Variants in NELL1 observed in about 807,000 individuals in gnomAD.
NELL1 encodes the protein neural EGFL like 1.
Under a neutral mutation model 107.4 loss-of-function variants are expected in NELL1, and 76 were observed. The ratio of observed to expected loss-of-function variants is 0.71; its 90% CI spans 0.59 to 0.86. The LOEUF (loss-of-function observed/expected upper bound fraction) is 0.86. Among genes scored for constraint, NELL1 ranks in the 40% least tolerant of loss-of-function variants. The pLI is 0.00. For synonymous variants in NELL1, 353 were observed against 341.2 expected (o/e 1.03, Z -0.38); for missense variants, 1,024 against 1,005.5 (o/e 1.02, Z -0.25).
intron 12 of NELL1, among the ~76,000 whole-genome samples, chr11:21,078,707 T>G (rs1179164339): frequency 6.6e-6 from 1 of 152,116 alleles, no homozygotes; most frequent in Non-Finnish European, 1.5e-5. Flanking sequence ...GTATATATTA[T>G]GTCATACCTG....
chr11:20,783,052 G>A (rs1314681985), intron 2 of NELL1, among the ~76,000 whole-genome samples: 7 of 152,296 alleles, frequency 4.6e-5, no homozygotes, highest in East Asian at 1.9e-4. Context: ...TTCCAGGCAC[G>A]GGTGTGGAGC....
rs148849257 is a variant in NELL1 at position 20,737,881 on chromosome 11, C to T, written c.185-45799C>T. 1.6e-4 allele frequency among the ~76,000 whole-genome samples: 24 copies of T among 151,244 alleles called. No homozygotes were observed. The East Asian group carries it at 4.1e-3, about 26-fold the overall frequency. ...ACTATTACCTAGGCACTGTGCAATG[C>T]TCAGAGTTGGAACGATCAGGAATTA... is the stretch of plus-strand genomic sequence containing the variant. On this transcript the variant is annotated intron_variant, in intron 2 of 19. Coordinates refer to ENST00000357134, the MANE Select transcript of NELL1 (RefSeq NM_006157.5).
chr11:21,074,969 G>A (rs1854100512), intron 12 of NELL1, among the ~76,000 whole-genome samples: 1 of 152,108 alleles, frequency 6.6e-6, no homozygotes, highest in South Asian at 2.1e-4. Flanking sequence ...AATTAATTTT[G>A]CATGGGTAGA....
chr11:21,575,166 G>A lies in NELL1; in HGVS notation c.*144G>A. 1.4e-6 allele frequency: 1 copy of A among 733,814 alleles called. No individual in the cohort carries two copies. The highest frequency in any genetic ancestry group is 2.3e-6 in the Non-Finnish European group (1 of 431,396). The allele number at this position is 733,814 out of a possible 1,614,324, so 45.5% of individuals were successfully genotyped here. ...GCCAAAGTTTCCACCTGAGGACGGT[G>A]TTTGGAGGTTGCCTTTTGGACCTAC... On this transcript the variant is annotated 3_prime_UTR_variant, in exon 20 of 20. Transcript: ENST00000357134.
intron 15 of NELL1, among the ~76,000 whole-genome samples, chr11:21,509,267 C>T (rs889355891): frequency 3.3e-5 from 5 of 152,022 alleles, no homozygotes; most frequent in African/African-American, 1.2e-4. Context: ...TATACTTTTT[C>T]GTTGGGGCAT....
chr11:21,429,269 C>A (rs372901976), intron 15 of NELL1, among the ~76,000 whole-genome samples: 2 of 152,214 alleles, frequency 1.3e-5, no homozygotes, highest in South Asian at 2.1e-4. Context: ...ATCTCTAAGA[C>A]AATTATGTAA....
rs148019308 is a variant in NELL1, at chr11:21,241,069, A to G, written c.1549+11615A>G. Among the ~76,000 whole-genome samples the G allele has an allele frequency of 1.6e-4, 25 of 152,220 alleles. No individual in the cohort carries two copies. The East Asian group carries it at 4.8e-3, about 29-fold the overall frequency. On this transcript the variant is annotated intron_variant, in intron 14 of 19. Coordinates refer to ENST00000357134, the MANE Select transcript of NELL1 (RefSeq NM_006157.5). ...ATAAGATTAGCAAAGCCGTATACATATATCAGTCAGTTTTATTTTAAAACA... is the reference window on the plus strand; with the variant it reads ...ATAAGATTAGCAAAGCCGTATACATGTATCAGTCAGTTTTATTTTAAAACA...
chr11:21,383,271 G>A, intron 15 of NELL1, among the ~76,000 whole-genome samples: 1 of 151,626 alleles, frequency 6.6e-6, no homozygotes, highest in South Asian at 2.1e-4. Flanking sequence ...GCAGTATTCG[G>A]TTTTTTTGGG....
chr11:21,059,580 A>G (rs1186255273), intron 12 of NELL1, among the ~76,000 whole-genome samples: 2 of 152,172 alleles, frequency 1.3e-5, no homozygotes, highest in East Asian at 3.9e-4. Context: ...TATTTTACCA[A>G]TTTGGAGAAA....
intron 13 of NELL1, among the ~76,000 whole-genome samples, chr11:21,173,842 T>C (rs189146652): frequency 1.3e-5 from 2 of 151,756 alleles, no homozygotes; most frequent in Non-Finnish European, 2.9e-5. Flanking sequence ...AGTGTGGAGG[T>C]CTTTGTTTGG....
At chr11:21,509,258 A>G (rs780882689) in intron 15 of NELL1, among the ~76,000 whole-genome samples, 3 of 152,176 alleles carry the variant, frequency 2.0e-5, no homozygotes, top group Non-Finnish European at 4.4e-5. Flanking sequence ...AAAAAAATGT[A>G]TACTTTTTCG....
At chr11:21,163,233 A>T (rs967679206) in intron 13 of NELL1, among the ~76,000 whole-genome samples, 1 of 152,232 alleles carries the variant, frequency 6.6e-6, no homozygotes, top group Non-Finnish European at 1.5e-5. Flanking sequence ...GAAGACAGGC[A>T]GACTCAGGTC....
intron 12 of NELL1, among the ~76,000 whole-genome samples, chr11:21,101,343 G>T (rs564726236): frequency 3.7e-4 from 56 of 152,152 alleles, no homozygotes; most frequent in Admixed American, 7.2e-4. Flanking sequence ...TAATCCTTTG[G>T]GTATATACCC....
intron 15 of NELL1, among the ~76,000 whole-genome samples, chr11:21,458,669 T>G (rs529135218): frequency 1.3e-5 from 2 of 152,188 alleles, no homozygotes; most frequent in African/African-American, 2.4e-5. Flanking sequence ...AATAAAGATT[T>G]AAAGAAAAGA....
chr11:21,399,154 G>A, intron 15 of NELL1, among the ~76,000 whole-genome samples: 1 of 151,764 alleles, frequency 6.6e-6, no homozygotes, highest in East Asian at 2.0e-4. Flanking sequence ...TTACAAGGGT[G>A]GTAATGGAAT....
chr11:20,867,322 G>A (rs548784325), intron 4 of NELL1, among the ~76,000 whole-genome samples: 7 of 152,130 alleles, frequency 4.6e-5, no homozygotes, highest in African/African-American at 1.7e-4. Context: ...TTGACTCTAC[G>A]TCATGGGTTT....
Position 20,753,829 on chromosome 11 carries a change from C to T in NELL1, c.185-29851C>T, listed in dbSNP as rs570860284. Among the ~76,000 whole-genome samples the T allele has an allele frequency of 3.3e-5, 5 of 152,230 alleles. No homozygotes were observed. In the South Asian group the frequency reaches 1.0e-3, roughly 32 times the overall value. Reference sequence around the variant, plus strand: ...TGTCCCCATAGGAGCAAAGTGGTCCCTAGGATCCCAGGCTTATATCATATT... The same window carrying T: ...TGTCCCCATAGGAGCAAAGTGGTCCTTAGGATCCCAGGCTTATATCATATT... On this transcript the variant is annotated intron_variant, in intron 2 of 19. Coordinates refer to ENST00000357134, the MANE Select transcript of NELL1 (RefSeq NM_006157.5).
At chr11:21,481,820 A>T (rs892317618) in intron 15 of NELL1, among the ~76,000 whole-genome samples, 1 of 152,204 alleles carries the variant, frequency 6.6e-6, no homozygotes, top group Non-Finnish European at 1.5e-5. Context: ...TGAAAAAAAG[A>T]ACTCATTTAC....
In NELL1 at chr11:20,693,289, T is replaced by A. The variant is rs1249902149; in HGVS notation, c.184+15229T>A. ...CTGGAGCATTTAGTCCATTTACATT[T>A]AAAGCTAATATTGTCGTATGTGAAT... On this transcript the variant is annotated intron_variant, in intron 2 of 19. Coordinates refer to ENST00000357134, the MANE Select transcript of NELL1 (RefSeq NM_006157.5). Among the ~76,000 whole-genome samples, 13 of 152,292 alleles carry A rather than the reference T, an allele frequency of 8.5e-5. 1 individual carries two copies. The highest frequency in any genetic ancestry group is 3.1e-4 in the African/African-American group (13 of 41,556).
Sources: gnomAD v4.1 joint callset for allele counts (sites outside exome capture counted in the v4.1 genomes callset) on GRCh38, gnomAD v4.1.1 for gene constraint, MANE v1.5 for transcripts, NCBI Gene and HGNC (gene_info 2026-07-23, HGNC 2026-07-21) for gene names.